TYW1B: variants seen among roughly 807,000 people sequenced by gnomAD.
The protein encoded by TYW1B is tRNA-yW synthesizing protein 1 homolog B.
TYW1B carries 73 observed loss-of-function variants against 86.9 expected under a neutral mutation model. The observed-to-expected ratio is 0.84, with a 90% CI of 0.70 to 1.02. The LOEUF is 1.02. Among genes scored for constraint, TYW1B ranks in the 50% least tolerant of loss-of-function variants. The pLI is 0.00. For synonymous variants in TYW1B, 248 were observed against 292.8 expected (o/e 0.85, Z 1.56); for missense variants, 637 against 827.4 (o/e 0.77, Z 2.82).
chr7:72,713,445 G>T (rs1157533140), intron 10 of TYW1B, among the ~76,000 whole-genome samples, 176 bp downstream of exon 10: 1 of 150,132 alleles, frequency 6.7e-6, no homozygotes, highest in Non-Finnish European at 1.5e-5. Context: ...TACTAATGTT[G>T]TTGTGCCTAA....
chr7:72,822,056 G>A (rs1788836873), intron 2 of TYW1B, among the ~76,000 whole-genome samples: 1 of 150,458 alleles, frequency 6.6e-6, no homozygotes, highest in South Asian at 2.1e-4. Flanking sequence ...GACCAGACTG[G>A]CCAACATGCA....
chr7:72,827,716 C>A (rs141000693), intron 1 of TYW1B, among the ~76,000 whole-genome samples: 14 of 151,866 alleles, frequency 9.2e-5, no homozygotes, highest in Non-Finnish European at 1.8e-4. Flanking sequence ...ACTGACCTTA[C>A]GTCTCATTTT....
At chr7:72,690,005 T>C (rs1482989035) in intron 11 of TYW1B, among the ~76,000 whole-genome samples, 1 of 152,308 alleles carries the variant, frequency 6.6e-6, no homozygotes, top group African/African-American at 2.4e-5. Context: ...GAACAACCAT[T>C]ATTCAAATAA....
intron 11 of TYW1B, among the ~76,000 whole-genome samples, chr7:72,676,303 A>T (rs1813733614): frequency 6.6e-6 from 1 of 152,358 alleles, no homozygotes; most frequent in South Asian, 2.1e-4. Context: ...GATGATACGT[A>T]CTCAGGATTA....
intron 11 of TYW1B, among the ~76,000 whole-genome samples, chr7:72,658,456 T>C (rs1413445053): frequency 2.0e-5 from 3 of 152,316 alleles, no homozygotes; most frequent in East Asian, 3.9e-4. Flanking sequence ...GTATAGTTAG[T>C]ATAAACTAAA....
In TYW1B at chr7:72,811,148, G is replaced by A. The variant is rs576431503; in HGVS notation, c.238-483C>T. On this transcript the variant is annotated intron_variant, in intron 3 of 13. Coordinates refer to ENST00000620995, the MANE Select transcript of TYW1B (RefSeq NM_001145440.3). ...TAGACAGGCGTGGTGGTGGGCGCCT[G>A]TAGTCCCAGCTACTCAGGAGGCTAA... 3.9e-4 allele frequency among the ~76,000 whole-genome samples: 59 copies of A among 151,644 alleles called. 1 individual carries two copies. The highest frequency in any genetic ancestry group is 1.4e-3 in the African/African-American group (57 of 41,402).
In TYW1B at chr7:72,698,980, G is replaced by A. The variant is rs1245366183; in HGVS notation, c.1371-4158C>T. Among the ~76,000 whole-genome samples, 5 of 152,164 alleles carry A rather than the reference G, an allele frequency of 3.3e-5. No individual in the cohort carries two copies. In the East Asian group the frequency reaches 5.8e-4, roughly 18 times the overall value. On this transcript the variant is annotated intron_variant, in intron 10 of 13. Coordinates refer to ENST00000620995, the MANE Select transcript of TYW1B (RefSeq NM_001145440.3). ...TCAACATTTATTCAGGGATTACTAC[G>A]AACTGGACACTGAGGCCAAGAGGCT...
intron 13 of TYW1B, among the ~76,000 whole-genome samples, chr7:72,577,852 C>T (rs142445455): frequency 4.6e-5 from 7 of 152,336 alleles, no homozygotes; most frequent in Admixed American, 6.5e-5. Flanking sequence ...GTCTAACTCA[C>T]ATGTCCTTCA....
At chr7:72,717,455 A>G (rs1786812386) in intron 9 of TYW1B, among the ~76,000 whole-genome samples, 1 of 152,186 alleles carries the variant, frequency 6.6e-6, no homozygotes, top group Non-Finnish European at 1.5e-5. Flanking sequence ...CTAGGGATTC[A>G]GATGTTCCTC....
intron 11 of TYW1B, among the ~76,000 whole-genome samples, chr7:72,687,301 G>C (rs200280519): frequency 1.3e-5 from 2 of 152,154 alleles, no homozygotes; most frequent in East Asian, 3.9e-4. Context: ...TGGGCATGGT[G>C]GTGCATGCCT....
At chr7:72,811,826 T>G (rs1788624905) in intron 3 of TYW1B, among the ~76,000 whole-genome samples, 1 of 150,178 alleles carries the variant, frequency 6.7e-6, no homozygotes, top group South Asian at 2.1e-4. Flanking sequence ...GCAGGAAAAC[T>G]GCTTTAGCCC....
In TYW1B at chr7:72,777,404, G is replaced by T. The variant is rs377546262; in HGVS notation, c.964+12C>A. ...CTATAGTCATATAACAACAATTCTT[G>T]AAGATTTTCACCTTGTTTAGTAAGG... is the stretch of plus-strand genomic sequence containing the variant. On this transcript the variant is annotated intron_variant, in intron 7 of 13. Transcript: ENST00000620995. 2 of 1,612,188 alleles carry T rather than the reference G, an allele frequency of 1.2e-6. No individual in the cohort carries two copies. The highest frequency in any genetic ancestry group is 2.2e-5 in the South Asian group (2 of 90,962).
intron 11 of TYW1B, among the ~76,000 whole-genome samples, chr7:72,676,075 T>C (rs1813729767): frequency 2.6e-5 from 4 of 152,270 alleles, no homozygotes; most frequent in South Asian, 4.1e-4. Context: ...CTGAAGCTCT[T>C]TGGGGCTAAA....
At chr7:72,752,914 A>G (rs1210059897) in intron 7 of TYW1B, among the ~76,000 whole-genome samples, 2 of 152,184 alleles carry the variant, frequency 1.3e-5, no homozygotes, top group Non-Finnish European at 2.9e-5. Context: ...TTGATGATCA[A>G]AACAGAAAAT....
At chr7:72,741,957 A>G (rs1554462467) in intron 8 of TYW1B, among the ~76,000 whole-genome samples, 1 of 152,192 alleles carries the variant, frequency 6.6e-6, no homozygotes, top group African/African-American at 2.4e-5. Context: ...GTTCACTGCT[A>G]ACAGACCTGC....
At chr7:72,712,336 C>CT (rs1345619151) in intron 10 of TYW1B, among the ~76,000 whole-genome samples, 7 of 151,710 alleles carry the variant, frequency 4.6e-5, no homozygotes, top group African/African-American at 9.7e-5. Flanking sequence ...CCAATAGCAT[C>CT]TTTTTTTTTG....
intron 2 of TYW1B, among the ~76,000 whole-genome samples, chr7:72,818,307 C>T (rs576447171): frequency 2.6e-5 from 4 of 151,966 alleles, no homozygotes; most frequent in African/African-American, 4.8e-5. Context: ...CCCGGCCGGG[C>T]ATGGTGGCTC....
At chr7:72,748,562 A>G (rs1355831291) in intron 7 of TYW1B, among the ~76,000 whole-genome samples, 6 of 148,994 alleles carry the variant, frequency 4.0e-5, no homozygotes, top group Non-Finnish European at 8.9e-5. Context: ...TTACTCTCTC[A>G]TATTAGGTAT....
chr7:72,662,009 A>C (rs1419887377), intron 11 of TYW1B, among the ~76,000 whole-genome samples: 4 of 152,150 alleles, frequency 2.6e-5, no homozygotes, highest in Non-Finnish European at 4.4e-5. Flanking sequence ...TACCAAACCC[A>C]AAAAATGGCA....
Sources: allele counts gnomAD v4.1 joint callset (sites outside exome capture counted in the v4.1 genomes callset), GRCh38; gene constraint gnomAD v4.1.1; transcripts MANE v1.5; gene names NCBI Gene and HGNC (gene_info 2026-07-23, HGNC 2026-07-21).